ATP6V1H: variants seen among roughly 807,000 people sequenced by gnomAD.
ATP6V1H encodes the protein ATPase H+ transporting V1 subunit H, also known as V-type proton ATPase subunit H.
ATP6V1H carries 39 observed loss-of-function variants against 71.7 expected under a neutral mutation model. The observed-to-expected ratio is 0.54, with a 90% CI of 0.42 to 0.71. The LOEUF (loss-of-function observed/expected upper bound fraction) is 0.71. Ranked by LOEUF, ATP6V1H falls within the 30% of genes least tolerant of loss-of-function variation. The pLI, the probability that ATP6V1H is intolerant of heterozygous loss-of-function variation, is 0.00. For synonymous variants in ATP6V1H, 192 were observed against 199.3 expected (o/e 0.96, Z 0.31); for missense variants, 509 against 594.9 (o/e 0.86, Z 1.50).
chr8:53,817,237 TAA>T (rs35983124), intron 5 of ATP6V1H, among the ~76,000 whole-genome samples, 178 bp downstream of exon 5: 24 of 144,352 alleles, frequency 1.7e-4, no homozygotes, highest in East Asian at 3.9e-4. Flanking sequence ...TCTTTGTATT[TAA>T]AAAAAAAAAA....
intron 13 of ATP6V1H, among the ~76,000 whole-genome samples, chr8:53,717,359 C>A (rs753478960): frequency 1.3e-5 from 2 of 152,166 alleles, no homozygotes; most frequent in Admixed American, 1.3e-4. Flanking sequence ...TGAAGTGTCA[C>A]GCACCACTCC....
At chr8:53,781,710 T>G (rs1391944618) in intron 9 of ATP6V1H, among the ~76,000 whole-genome samples, 2 of 152,084 alleles carry the variant, frequency 1.3e-5, no homozygotes, top group Non-Finnish European at 2.9e-5. Context: ...CTTGAATTAA[T>G]TTTTGTATAA....
chr8:53,776,005 G>GC (rs1029863735), intron 9 of ATP6V1H, among the ~76,000 whole-genome samples: 1 of 152,228 alleles, frequency 6.6e-6, no homozygotes, highest in Admixed American at 6.5e-5. Flanking sequence ...GGCGGGGAAG[G>GC]CTCAGGCATG....
intron 13 of ATP6V1H, among the ~76,000 whole-genome samples, chr8:53,727,290 C>T (rs1181849169): frequency 6.6e-6 from 1 of 152,200 alleles, no homozygotes; most frequent in Non-Finnish European, 1.5e-5. Flanking sequence ...TTACACTGCT[C>T]ACCACTACTC....
intron 12 of ATP6V1H, among the ~76,000 whole-genome samples, chr8:53,750,118 T>G (rs917853077): frequency 3.9e-5 from 6 of 152,182 alleles, no homozygotes; most frequent in Non-Finnish European, 5.9e-5. Flanking sequence ...GCCAGTACAG[T>G]TGATAAGGTA....
chr8:53,733,393 A>C (rs553473809), intron 13 of ATP6V1H, among the ~76,000 whole-genome samples: 4 of 152,326 alleles, frequency 2.6e-5, no homozygotes, highest in African/African-American at 9.6e-5. Flanking sequence ...CAAGACCTGC[A>C]AAAGTTTCCC....
chr8:53,834,879 T>A (rs919559303), intron 2 of ATP6V1H, among the ~76,000 whole-genome samples: 1 of 149,830 alleles, frequency 6.7e-6, no homozygotes, highest in Non-Finnish European at 1.5e-5. Context: ...CAGTGGCTCA[T>A]GCCTGTAATC....
At chr8:53,831,746 TC>T (rs1272586440) in intron 3 of ATP6V1H, 4 of 141,446 alleles carry the variant, frequency 2.8e-5, no homozygotes, top group South Asian at 2.2e-4. Context: ...ATAATTACAC[TC>T]TTTTTTTTTT....
chr8:53,786,176 T>C (rs982638290), intron 9 of ATP6V1H, among the ~76,000 whole-genome samples: 2 of 152,212 alleles, frequency 1.3e-5, no homozygotes, highest in Non-Finnish European at 2.9e-5. Flanking sequence ...TGAGCTGTGG[T>C]GGGCTCCACC....
chr8:53,727,344 GCACAT>G (rs1416866273), intron 13 of ATP6V1H, among the ~76,000 whole-genome samples: 2 of 152,078 alleles, frequency 1.3e-5, no homozygotes, highest in Non-Finnish European at 2.9e-5. Flanking sequence ...TTCCCTAACA[GCACAT>G]GTTCCTGGTT....
At chr8:53,765,211 G>A (rs1412420296) in intron 11 of ATP6V1H, among the ~76,000 whole-genome samples, 2 of 151,926 alleles carry the variant, frequency 1.3e-5, no homozygotes, top group Non-Finnish European at 2.9e-5. Context: ...AGACTGGCCT[G>A]GCCAACATGG....
intron 13 of ATP6V1H, among the ~76,000 whole-genome samples, chr8:53,718,081 C>T (rs1806484794): frequency 1.3e-5 from 2 of 152,222 alleles, no homozygotes; most frequent in African/African-American, 4.8e-5. Context: ...GGGTCCTGTG[C>T]GTCTGGTCAC....
chr8:53,721,948 C>G (rs981997535), intron 13 of ATP6V1H, among the ~76,000 whole-genome samples: 1 of 152,100 alleles, frequency 6.6e-6, no homozygotes, highest in East Asian at 1.9e-4. Flanking sequence ...AAAGTCTATT[C>G]GAGTCTATTT....
intron 13 of ATP6V1H, among the ~76,000 whole-genome samples, chr8:53,728,533 C>A (rs1806896636): frequency 6.6e-6 from 1 of 152,184 alleles, no homozygotes; most frequent in Non-Finnish European, 1.5e-5. Context: ...TTTTACATTT[C>A]TCCTGTGTTG....
chr8:53,724,665 A>C (rs1473807814), intron 13 of ATP6V1H, among the ~76,000 whole-genome samples: 2 of 149,692 alleles, frequency 1.3e-5, no homozygotes. Context: ...TGAGCTGAAG[A>C]AGCCTGGATC....
At chr8:53,837,020 A>G (rs1811180048) in intron 2 of ATP6V1H, among the ~76,000 whole-genome samples, 1 of 152,048 alleles carries the variant, frequency 6.6e-6, no homozygotes, top group Non-Finnish European at 1.5e-5. Flanking sequence ...AGGTGCCTGT[A>G]ATCCCAGCTA....
At chr8:53,733,509 C>G (rs1425796289) in intron 13 of ATP6V1H, among the ~76,000 whole-genome samples, 2 of 152,202 alleles carry the variant, frequency 1.3e-5, no homozygotes, top group African/African-American at 4.8e-5. Context: ...GCTCCGGCAC[C>G]TGGAGGACTG....
intron 4 of ATP6V1H, among the ~76,000 whole-genome samples, chr8:53,821,765 A>G (rs1247247583): frequency 1.3e-5 from 2 of 152,202 alleles, no homozygotes; most frequent in African/African-American, 2.4e-5. Flanking sequence ...ATATGAATAG[A>G]TGAAAGAACC....
chr8:53,802,505 G>A (rs1282356164), intron 7 of ATP6V1H, among the ~76,000 whole-genome samples: 2 of 152,102 alleles, frequency 1.3e-5, no homozygotes, highest in Non-Finnish European at 2.9e-5. Context: ...GATTTCCTGA[G>A]CTCAGGAGCT....
Sources: gnomAD v4.1 joint callset for allele counts (sites outside exome capture counted in the v4.1 genomes callset) on GRCh38, gnomAD v4.1.1 for gene constraint, MANE v1.5 for transcripts, NCBI Gene and HGNC (gene_info 2026-07-23, HGNC 2026-07-21) for gene names.